Variants in PTPRD observed in about 807,000 individuals in gnomAD.
PTPRD encodes the protein receptor-type tyrosine-protein phosphatase delta.
A neutral mutation model predicts 214.5 loss-of-function variants in PTPRD; 34 were observed. That is an observed-to-expected ratio of 0.16 (90% CI 0.12 to 0.21). The LOEUF is 0.21. Among genes scored for constraint, PTPRD ranks in the 10% least tolerant of loss-of-function variants. The pLI is 1.00. For missense variants in PTPRD, 2,545 were observed against 2,398.7 expected, an observed-to-expected ratio of 1.06 and a Z score of -1.27; for synonymous variants, 1,128 against 845.7, an observed-to-expected ratio of 1.33 and a Z score of -5.79.
At chr9:8,496,326 G>A (rs941780248) in intron 26 of PTPRD, among the ~76,000 whole-genome samples, 1 of 151,940 alleles carries the variant, frequency 6.6e-6, no homozygotes, top group African/African-American at 2.4e-5. Context: ...TGAATTCATA[G>A]CTTTTATTGA....
At chr9:9,400,878 T>C (rs2070120154) in intron 8 of PTPRD, among the ~76,000 whole-genome samples, 1 of 152,076 alleles carries the variant, frequency 6.6e-6, no homozygotes, top group Non-Finnish European at 1.5e-5. Flanking sequence ...ACCTTTAGAA[T>C]TACCCATCCA....
At chr9:8,409,851 C>A (rs907770638) in intron 35 of PTPRD, among the ~76,000 whole-genome samples, 1 of 152,158 alleles carries the variant, frequency 6.6e-6, no homozygotes, top group African/African-American at 2.4e-5. Context: ...AAGGAATAGA[C>A]CAGTTACTTC....
intron 2 of PTPRD, among the ~76,000 whole-genome samples, chr9:10,573,537 G>C (rs2068158406): frequency 6.6e-6 from 1 of 152,106 alleles, no homozygotes; most frequent in African/African-American, 2.4e-5. Flanking sequence ...CTTTCACCAA[G>C]AGACCAGGGC....
At chr9:9,068,560 G>C (rs988597444) in intron 10 of PTPRD, among the ~76,000 whole-genome samples, 2 of 151,894 alleles carry the variant, frequency 1.3e-5, no homozygotes, top group South Asian at 2.1e-4. Flanking sequence ...TAATTGCTAG[G>C]ACACCACATT....
intron 9 of PTPRD, among the ~76,000 whole-genome samples, chr9:9,275,628 C>T (rs987705135): frequency 1.3e-5 from 2 of 151,280 alleles, no homozygotes; most frequent in African/African-American, 4.8e-5. Flanking sequence ...ACTTTGGTCC[C>T]TAAGACAAGG....
chr9:8,602,007 G>A (rs754140203), intron 14 of PTPRD, among the ~76,000 whole-genome samples: 1 of 151,998 alleles, frequency 6.6e-6, no homozygotes, highest in East Asian at 1.9e-4. Flanking sequence ...GGACAGAAAA[G>A]GGTAGAAGAT....
chr9:9,005,887 A>G (rs1398665446), intron 11 of PTPRD, among the ~76,000 whole-genome samples: 1 of 151,934 alleles, frequency 6.6e-6, no homozygotes. Flanking sequence ...TCACTAACCT[A>G]TAGGACTTGC....
At chr9:8,562,651 G>A (rs191908399) in intron 14 of PTPRD, among the ~76,000 whole-genome samples, 5 of 152,126 alleles carry the variant, frequency 3.3e-5, no homozygotes, top group Admixed American at 2.6e-4. Context: ...TGCCCAGGCT[G>A]GTTTCAAACT....
intron 5 of PTPRD, among the ~76,000 whole-genome samples, chr9:9,807,100 A>G (rs1227506117): frequency 6.6e-6 from 1 of 152,146 alleles, no homozygotes; most frequent in Non-Finnish European, 1.5e-5. Context: ...TTTCTGCTCT[A>G]AAATCTTTTA....
At chr9:10,186,697 A>G (rs561156416) in intron 3 of PTPRD, among the ~76,000 whole-genome samples, 1 of 152,286 alleles carries the variant, frequency 6.6e-6, no homozygotes, top group South Asian at 2.1e-4. Context: ...AACATTAAGT[A>G]CACTACTCAA....
At chr9:8,984,372 T>C (rs1472436278) in intron 11 of PTPRD, among the ~76,000 whole-genome samples, 1 of 152,070 alleles carries the variant, frequency 6.6e-6, no homozygotes, top group Non-Finnish European at 1.5e-5. Flanking sequence ...GTACGATGAA[T>C]CTTTAATAAC....
intron 11 of PTPRD, among the ~76,000 whole-genome samples, chr9:8,812,741 A>G (rs983912197): frequency 6.6e-6 from 1 of 152,028 alleles, no homozygotes; most frequent in African/African-American, 2.4e-5. Context: ...GTGGGGCTTG[A>G]AGGCTAATAA....
At chr9:10,058,020 A>T (rs2097691261) in intron 3 of PTPRD, among the ~76,000 whole-genome samples, 1 of 152,070 alleles carries the variant, frequency 6.6e-6, no homozygotes, top group Non-Finnish European at 1.5e-5. Flanking sequence ...TTGTTAAAGG[A>T]GAGTATTCTT....
intron 5 of PTPRD, among the ~76,000 whole-genome samples, chr9:9,896,949 C>T (rs74544532): frequency 0.056 from 8,552 of 152,036 alleles, 333 homozygotes; most frequent in African/African-American, 0.098. Flanking sequence ...AATCTCAAAG[C>T]TTTCTGTAGT....
intron 8 of PTPRD, among the ~76,000 whole-genome samples, chr9:9,460,278 C>T (rs2093521755): frequency 1.3e-5 from 2 of 151,762 alleles, no homozygotes; most frequent in African/African-American, 4.8e-5. Flanking sequence ...GGACATTGAC[C>T]CAGGTAAAGA....
At chr9:10,560,777 C>A (rs1025714065) in intron 2 of PTPRD, among the ~76,000 whole-genome samples, 1 of 152,000 alleles carries the variant, frequency 6.6e-6, no homozygotes. Flanking sequence ...ATTAAAATTA[C>A]AAATTTAGTT....
chr9:10,065,752 T>A (rs1461878264), intron 3 of PTPRD, among the ~76,000 whole-genome samples: 1 of 151,914 alleles, frequency 6.6e-6, no homozygotes, highest in Non-Finnish European at 1.5e-5. Context: ...CTGTTATTGC[T>A]CCTTAAATGT....
chr9:8,609,389 G>A (rs757349176), intron 14 of PTPRD, among the ~76,000 whole-genome samples: 26 of 152,138 alleles, frequency 1.7e-4, no homozygotes, highest in Non-Finnish European at 1.0e-4. Flanking sequence ...ATGTTTTGTG[G>A]TTTTGTCATC....
At chr9:8,324,201 T>A (rs1193512672) in intron 44 of PTPRD, among the ~76,000 whole-genome samples, 1 of 151,890 alleles carries the variant, frequency 6.6e-6, no homozygotes, top group East Asian at 1.9e-4. Context: ...ACTGCACCCA[T>A]CAACCCATCA....
Sources: allele counts gnomAD v4.1 joint callset (sites outside exome capture counted in the v4.1 genomes callset), GRCh38; gene constraint gnomAD v4.1.1; transcripts MANE v1.5; gene names NCBI Gene and HGNC (gene_info 2026-07-23, HGNC 2026-07-21).